SNX29: variants seen among roughly 807,000 people sequenced by gnomAD.
SNX29 encodes sorting nexin-29.
SNX29 carries 78 observed loss-of-function variants against 102.1 expected under a neutral mutation model. That is an observed-to-expected ratio of 0.76 (90% CI 0.64 to 0.92). The LOEUF (loss-of-function observed/expected upper bound fraction) is 0.92. Among genes scored for constraint, SNX29 ranks in the 40% least tolerant of loss-of-function variants. The pLI is 0.00. For synonymous variants in SNX29, 580 were observed against 414.5 expected, an observed-to-expected ratio of 1.40 and a Z score of -4.85; for missense variants, 1,280 against 1,061.7, an observed-to-expected ratio of 1.21 and a Z score of -2.86.
chr16:12,525,156 C>T (rs551687867), intron 20 of SNX29, among the ~76,000 whole-genome samples: 95 of 152,232 alleles, frequency 6.2e-4, no homozygotes, highest in African/African-American at 2.0e-3. Flanking sequence ...GTACAGCCCA[C>T]GGGTGCTCCA....
chr16:12,398,425 T>TC, intron 16 of SNX29, 21 bp from the exon 17 acceptor site: 1 of 1,613,676 alleles, frequency 6.2e-7, no homozygotes, highest in Non-Finnish European at 8.5e-7. Flanking sequence ...TTCTCCCCTC[T>TC]CCCCCTTCTC....
intron 20 of SNX29, among the ~76,000 whole-genome samples, chr16:12,553,593 AC>A (rs1401189130): frequency 2.0e-5 from 2 of 97,626 alleles, no homozygotes; most frequent in East Asian, 4.1e-4. Context: ...TTTGTTCCCC[AC>A]CCCCCACCCC....
chr16:12,228,211 T>C (rs879574215), intron 14 of SNX29, among the ~76,000 whole-genome samples: 1 of 152,240 alleles, frequency 6.6e-6, no homozygotes, highest in Non-Finnish European at 1.5e-5. Context: ...GGCACTGAAA[T>C]GTTCTCGGTC....
intron 20 of SNX29, among the ~76,000 whole-genome samples, chr16:12,547,570 T>A (rs191327659): frequency 4.5e-4 from 69 of 152,064 alleles, no homozygotes; most frequent in African/African-American, 1.6e-3. Context: ...AACATCCCCC[T>A]CCCTCACGAG....
At chr16:12,103,048 A>C (rs893307728) in intron 11 of SNX29, among the ~76,000 whole-genome samples, 10 of 152,234 alleles carry the variant, frequency 6.6e-5, no homozygotes, top group Non-Finnish European at 1.5e-4. Flanking sequence ...TCAAGGAAAT[A>C]AGAGAGGATA....
intron 15 of SNX29, among the ~76,000 whole-genome samples, chr16:12,324,786 A>T (rs1465149716): frequency 6.6e-6 from 1 of 152,144 alleles, no homozygotes; most frequent in Non-Finnish European, 1.5e-5. Context: ...CTCCTGACCC[A>T]GCAATCCATC....
intron 19 of SNX29, among the ~76,000 whole-genome samples, chr16:12,504,054 C>T (rs66755739): frequency 0.2 from 29,938 of 152,042 alleles, 3,276 homozygotes; most frequent in South Asian, 0.39. Flanking sequence ...CCCATCCTCT[C>T]CTGCCAAACC....
At chr16:12,488,915 T>C (rs1029058842) in intron 19 of SNX29, among the ~76,000 whole-genome samples, 1 of 152,148 alleles carries the variant, frequency 6.6e-6, no homozygotes, top group Non-Finnish European at 1.5e-5. Context: ...GTAGAACGCA[T>C]TGGTTTTGTG....
At chr16:12,273,786 C>A (rs996447375) in intron 14 of SNX29, among the ~76,000 whole-genome samples, 1 of 152,182 alleles carries the variant, frequency 6.6e-6, no homozygotes, top group African/African-American at 2.4e-5. Flanking sequence ...TCCCCCAGAC[C>A]CTGGCAACTA....
chr16:12,171,470 T>C (rs558759367), intron 13 of SNX29, among the ~76,000 whole-genome samples: 1 of 152,358 alleles, frequency 6.6e-6, no homozygotes, highest in Non-Finnish European at 1.5e-5. Flanking sequence ...TTTGAGCCTG[T>C]GCTTCAGAGG....
At chr16:12,438,158 C>A (rs958545393) in intron 18 of SNX29, among the ~76,000 whole-genome samples, 1 of 152,050 alleles carries the variant, frequency 6.6e-6, no homozygotes, top group Admixed American at 6.5e-5. Flanking sequence ...AGTAGGGGGG[C>A]ATCTCTGGAC....
intron 1 of SNX29, among the ~76,000 whole-genome samples, chr16:11,979,343 C>G (rs2150957034): frequency 6.9e-6 from 1 of 144,508 alleles, no homozygotes. Flanking sequence ...CAACAAATGA[C>G]TTTTTAGGAA....
chr16:12,085,893 G>A (rs1392440090), intron 11 of SNX29, among the ~76,000 whole-genome samples: 6 of 152,030 alleles, frequency 3.9e-5, no homozygotes, highest in Non-Finnish European at 7.4e-5. Flanking sequence ...ATGGCTAGTA[G>A]AACAGATAGT....
At position 12,125,603 on chromosome 16, in the gene SNX29, CTCTTTTTTTTT is replaced by C. The variant is rs1555465922; in HGVS notation, c.1403-1028_1403-1018del. 3.5e-4 allele frequency among the ~76,000 whole-genome samples: 25 copies of C among 71,496 alleles called. 4 individuals carry two copies. Among genetic ancestry groups the C allele is most frequent in the African/African-American group, 6.9e-4 (13 of 18,864 alleles). The allele number at this position is 71,496 out of a possible 152,430, so 46.9% of individuals were successfully genotyped here. Reference sequence around the variant, plus strand: ...CAAGGGGGGCTTGTGGCTGAGATCTCTCTTTTTTTTTTTTTTTTTTTTTTTTTTTTTTTTTT... The same window carrying C: ...CAAGGGGGGCTTGTGGCTGAGATCTCTTTTTTTTTTTTTTTTTTTTTTTTT... On this transcript the variant is annotated intron_variant, in intron 11 of 20. Transcript: ENST00000566228.
chr16:12,210,868 A>G (rs2077166551), intron 14 of SNX29, among the ~76,000 whole-genome samples: 1 of 151,882 alleles, frequency 6.6e-6, no homozygotes, highest in Non-Finnish European at 1.5e-5. Context: ...TTACCTTTTC[A>G]GATACTAAGT....
At chr16:12,375,272 C>G (rs902192042) in intron 16 of SNX29, 1 of 152,202 alleles carries the variant, frequency 6.6e-6, no homozygotes, top group African/African-American at 2.4e-5. Context: ...TAAGTGCAAA[C>G]AGCAGAAATA....
chr16:12,308,202 G>A (rs1178036224), intron 15 of SNX29, among the ~76,000 whole-genome samples: 2 of 152,128 alleles, frequency 1.3e-5, no homozygotes, highest in African/African-American at 2.4e-5. Context: ...GCTGACACCC[G>A]GCAGGCAGGC....
At chr16:12,025,835 G>T (rs1263409786) in intron 3 of SNX29, among the ~76,000 whole-genome samples, 1 of 152,190 alleles carries the variant, frequency 6.6e-6, no homozygotes, top group Non-Finnish European at 1.5e-5. Flanking sequence ...ATGATATGGG[G>T]GATGGAGGAA....
chr16:12,571,802 G>C lies in SNX29; in HGVS notation c.*3173G>C. On this transcript the variant is annotated 3_prime_UTR_variant, in exon 21 of 21. Coordinates refer to ENST00000566228, the MANE Select transcript of SNX29 (RefSeq NM_032167.5). ...CTCCGCCACTCTTCCTGCAATCAGT[G>C]TGAAATTCCAGCTTCTTTGATTCCC... is the stretch of plus-strand genomic sequence containing the variant. The C allele has an allele frequency of 9.8e-6, 10 of 1,024,764 alleles. No homozygotes were observed. The highest frequency in any genetic ancestry group is 1.2e-5 in the Non-Finnish European group (10 of 843,564). The allele number at this position is 1,024,764 out of a possible 1,614,324, so 63.5% of individuals were successfully genotyped here. A position where few individuals can be genotyped will look rare whatever the true frequency, so the allele number is the denominator to read the frequency against.
Sources: allele counts gnomAD v4.1 joint callset (sites outside exome capture counted in the v4.1 genomes callset), GRCh38; gene constraint gnomAD v4.1.1; transcripts MANE v1.5; gene names NCBI Gene and HGNC (gene_info 2026-07-23, HGNC 2026-07-21).